Variants in VPS13A observed in about 807,000 individuals in gnomAD.
VPS13A encodes the protein vacuolar protein sorting 13 homolog A, also known as intermembrane lipid transfer protein VPS13A.
VPS13A carries 264 observed loss-of-function variants against 390.9 expected under a neutral mutation model. That is an observed-to-expected ratio of 0.68 (90% CI 0.61 to 0.75). The LOEUF is 0.75. Ranked by LOEUF, VPS13A falls within the 30% of genes least tolerant of loss-of-function variation. VPS13A has a pLI of 0.00. For missense variants in VPS13A, 3,409 were observed against 3,733.9 expected (o/e 0.91, Z 2.27); for synonymous variants, 1,231 against 1,227.1 (o/e 1.00, Z -0.07).
intron 37 of VPS13A, 101 bp downstream of exon 37, chr9:77,314,765 C>A: frequency 8.5e-7 from 1 of 1,169,958 alleles, no homozygotes; most frequent in Non-Finnish European, 1.3e-6. Flanking sequence ...TGAGTGCATC[C>A]TAGGTTCTTT....
intron 17 of VPS13A, among the ~76,000 whole-genome samples, chr9:77,234,356 A>G (rs1290635639): frequency 1.3e-5 from 2 of 152,100 alleles, no homozygotes; most frequent in Non-Finnish European, 2.9e-5. Flanking sequence ...ATTATTTTAT[A>G]TGTTAGTATA....
chr9:77,303,183 T>A, intron 34 of VPS13A, 121 bp downstream of exon 34: 1 of 1,004,518 alleles, frequency 1.0e-6, no homozygotes, highest in East Asian at 2.4e-5. Context: ...AGAATTGAAA[T>A]AGTGATTATA....
intron 54 of VPS13A, 130 bp downstream of exon 54, chr9:77,353,771 C>G: frequency 1.1e-6 from 1 of 926,208 alleles, no homozygotes; most frequent in Admixed American, 2.6e-5. Flanking sequence ...TGTGGTAGTG[C>G]TAGTTTTAAA....
intron 71 of VPS13A, among the ~76,000 whole-genome samples, chr9:77,410,412 A>G (rs1156967585): frequency 6.6e-6 from 1 of 152,206 alleles, no homozygotes; most frequent in African/African-American, 2.4e-5. Flanking sequence ...ACCAGCTAAC[A>G]TCATAATGAC....
At chr9:77,252,103 T>A in intron 21 of VPS13A, 132 bp from the exon 22 acceptor site, 2 of 752,726 alleles carry the variant, frequency 2.7e-6, no homozygotes, top group Non-Finnish European at 2.3e-6. Context: ...TACCTGAGAA[T>A]GTGACATTAA....
chr9:77,266,762 A>G (rs1235134831), intron 23 of VPS13A, among the ~76,000 whole-genome samples: 4 of 152,084 alleles, frequency 2.6e-5, no homozygotes, highest in Non-Finnish European at 5.9e-5. Flanking sequence ...GTGTTTTCCA[A>G]CTTGGTTCTA....
chr9:77,223,153 G>A lies in VPS13A; in HGVS notation c.1161+1797G>A, dbSNP rs548356762. ...TAATTAAATCTTTTAAATGTACTTCGGCTGAAGTTTTTATTCTAACACAGC... is the reference window on the plus strand; with the variant it reads ...TAATTAAATCTTTTAAATGTACTTCAGCTGAAGTTTTTATTCTAACACAGC... On this transcript the variant is annotated intron_variant, in intron 13 of 71. Coordinates refer to ENST00000360280, the MANE Select transcript of VPS13A (RefSeq NM_033305.3). Among the ~76,000 whole-genome samples the A allele has an allele frequency of 6.6e-5, 10 of 152,154 alleles. No individual in the cohort carries two copies. In the East Asian group the frequency reaches 9.7e-4, roughly 15 times the overall value.
intron 19 of VPS13A, among the ~76,000 whole-genome samples, chr9:77,246,757 T>A (rs984975165): frequency 2.0e-5 from 3 of 152,146 alleles, no homozygotes; most frequent in African/African-American, 7.2e-5. Flanking sequence ...ATGAAGGACC[T>A]AGGGAATGGA....
intron 10 of VPS13A, among the ~76,000 whole-genome samples, chr9:77,216,050 G>A (rs572608121): frequency 2.3e-4 from 35 of 152,298 alleles, no homozygotes; most frequent in African/African-American, 7.2e-4. Context: ...GGGAGAAGCC[G>A]TGTTCTTGCA....
chr9:77,401,139 A>G (rs1369800686), intron 68 of VPS13A, among the ~76,000 whole-genome samples: 2 of 152,192 alleles, frequency 1.3e-5, no homozygotes, highest in Non-Finnish European at 2.9e-5. Flanking sequence ...TACCACCACC[A>G]AACTATTTCA....
At chr9:77,361,244 T>TG (rs1832123679) in intron 59 of VPS13A, among the ~76,000 whole-genome samples, 1 of 152,116 alleles carries the variant, frequency 6.6e-6, no homozygotes, top group Non-Finnish European at 1.5e-5. Flanking sequence ...ATTTTCATCA[T>TG]CCCCAAAAGG....
chr9:77,207,386 A>T (rs1481420855), intron 5 of VPS13A, among the ~76,000 whole-genome samples: 3 of 149,776 alleles, frequency 2.0e-5, no homozygotes, highest in African/African-American at 7.3e-5. Flanking sequence ...TATAATATAT[A>T]ACGTGTAATA....
rs568052113 is a variant in VPS13A at position 77,325,714 on chromosome 9, A to T, written c.5991+2487A>T. Among the ~76,000 whole-genome samples the T allele has an allele frequency of 2.6e-5, 4 of 152,036 alleles. No homozygotes were observed. In the East Asian group the frequency reaches 7.7e-4, roughly 29 times the overall value. The stretch of plus-strand genomic sequence containing the variant: ...TATTACATACATATTGTATTAGTCT[A>T]CCTTCAAGTAGTATTTTGCCCCTTC... On this transcript the variant is annotated intron_variant, in intron 45 of 71. Transcript: ENST00000360280.
At chr9:77,371,698 G>A (rs1178907003) in intron 67 of VPS13A, among the ~76,000 whole-genome samples, 1 of 150,500 alleles carries the variant, frequency 6.6e-6, no homozygotes, top group African/African-American at 2.4e-5. Flanking sequence ...GGGTACATGT[G>A]CACATTGCGC....
In VPS13A at chr9:77,302,829, T is replaced by C. The variant is rs149821102; in HGVS notation, c.3813-86T>C. ...AAATTATTGATTTCTGCTATTTGCA[T>C]ATAAAAGGATAAATTTAAGTTAATC... On this transcript the variant is annotated intron_variant, in intron 33 of 71. Coordinates refer to ENST00000360280, the MANE Select transcript of VPS13A (RefSeq NM_033305.3). The C allele has an allele frequency of 1.0e-3, 1,360 of 1,360,876 alleles. 11 individuals carry two copies. In the African/African-American group the frequency reaches 0.016, roughly 16 times the overall value. 84.3% of individuals were successfully genotyped at this position (1,360,876 alleles called of 1,614,324 possible). A position where few individuals can be genotyped will look rare whatever the true frequency, so the allele number is the denominator to read the frequency against.
intron 67 of VPS13A, among the ~76,000 whole-genome samples, chr9:77,381,709 C>G (rs1020374847): frequency 2.6e-5 from 4 of 151,852 alleles, no homozygotes; most frequent in African/African-American, 9.7e-5. Flanking sequence ...ACTAAAGAAA[C>G]TAGACAACGT....
chr9:77,250,350 G>A, intron 21 of VPS13A, 121 bp downstream of exon 21: 2 of 1,234,494 alleles, frequency 1.6e-6, no homozygotes, highest in Non-Finnish European at 2.3e-6. Context: ...AATTAGAAAT[G>A]ATAGTAAATA....
At chr9:77,306,414 TTGTGTGTGTGTG>T (rs60382346) in intron 34 of VPS13A, among the ~76,000 whole-genome samples, 2 of 140,782 alleles carry the variant, frequency 1.4e-5, no homozygotes, top group Non-Finnish European at 3.1e-5. Context: ...GTGTGTGTGT[TTGTGTGTGTGTG>T]TGTGTGTGTG....
intron 1 of VPS13A, among the ~76,000 whole-genome samples, chr9:77,187,472 TA>T (rs1312969377): frequency 6.6e-6 from 1 of 152,156 alleles, no homozygotes; most frequent in Admixed American, 6.6e-5. Flanking sequence ...TTTCTCTAAT[TA>T]GTAATGTTGA....
Sources: gnomAD v4.1 joint callset for allele counts (sites outside exome capture counted in the v4.1 genomes callset) on GRCh38, gnomAD v4.1.1 for gene constraint, MANE v1.5 for transcripts, NCBI Gene and HGNC (gene_info 2026-07-23, HGNC 2026-07-21) for gene names.